PDCD1: variants seen among roughly 807,000 people sequenced by gnomAD.
PDCD1 encodes programmed cell death protein 1.
Under a neutral mutation model 23.6 loss-of-function variants are expected in PDCD1, and 10 were observed. The ratio of observed to expected loss-of-function variants is 0.42; its 90% CI spans 0.26 to 0.72. PDCD1 has a LOEUF of 0.72. PDCD1 is among the 30% of genes least tolerant of loss of function. The pLI is 0.24. For missense variants in PDCD1, 313 were observed against 397.8 expected, an observed-to-expected ratio of 0.79 and a Z score of 1.81; for synonymous variants, 168 against 169.3, an observed-to-expected ratio of 0.99 and a Z score of 0.06.
intron 1 of PDCD1, among the ~76,000 whole-genome samples, chr2:241,855,385 C>T (rs1385762224): frequency 6.6e-6 from 1 of 152,180 alleles, no homozygotes; most frequent in African/African-American, 2.4e-5. Flanking sequence ...TCCTGGCCTC[C>T]CTTGGCTGGT....
rs777782930 is a variant in PDCD1, at chr2:241,852,756, G to A, written c.301C>T (p.Pro101Ser). The change falls in exon 2 of 5, where the codon CCC (proline) becomes TCC (serine). Residue 101 changes from proline to serine, a missense_variant. Coordinates refer to ENST00000334409, the MANE Select transcript of PDCD1 (RefSeq NM_005018.3). Reference sequence around the variant, plus strand: ...CTCATGTGGAAGTCACGCCCGTTGGGCAGTTGTGTGACACGGAAGCGGCAG... The same window carrying A: ...CTCATGTGGAAGTCACGCCCGTTGGACAGTTGTGTGACACGGAAGCGGCAG... ...QDCRFRVTQL[P>S]NGRDFHMSVV... 3.7e-6 allele frequency: 6 copies of A among 1,614,054 alleles called. No individual in the cohort carries two copies. In the East Asian group the frequency reaches 1.3e-4, roughly 36 times the overall value.
chr2:241,858,716 C>A, intron 1 of PDCD1, 47 bp downstream of exon 1: 1 of 1,480,560 alleles, frequency 6.8e-7, no homozygotes. Flanking sequence ...GTGGAAGGTC[C>A]CTCCAGACCC....
chr2:241,858,740 A>G, intron 1 of PDCD1, 23 bp downstream of exon 1: 4 of 1,565,186 alleles, frequency 2.6e-6, no homozygotes, highest in Non-Finnish European at 3.5e-6. Flanking sequence ...GCTCTGGGAC[A>G]CCTGACCGCC....
At chr2:241,856,242 C>A (rs570625751) in intron 1 of PDCD1, among the ~76,000 whole-genome samples, 2 of 152,168 alleles carry the variant, frequency 1.3e-5, no homozygotes, top group South Asian at 2.1e-4. Context: ...TAAGCCACAG[C>A]CGGGAGAGGC....
chr2:241,854,450 C>T (rs945368132), intron 1 of PDCD1, among the ~76,000 whole-genome samples: 32 of 152,298 alleles, frequency 2.1e-4, no homozygotes, highest in African/African-American at 7.2e-4. Flanking sequence ...CTTCCAGCCA[C>T]TCCAGAGTGG....
chr2:241,857,618 C>G (rs1343895061), intron 1 of PDCD1, among the ~76,000 whole-genome samples: 2 of 152,220 alleles, frequency 1.3e-5, no homozygotes, highest in Admixed American at 6.5e-5. Flanking sequence ...TCCTGAGTGA[C>G]CCACGGGCCA....
chr2:241,858,698 G>A, intron 1 of PDCD1, 65 bp downstream of exon 1: 2 of 1,392,234 alleles, frequency 1.4e-6, no homozygotes, highest in Non-Finnish European at 2.0e-6. Context: ...ACCTGCCAGG[G>A]ACTGAGGGTG....
chr2:241,852,878 G>A lies in PDCD1; in HGVS notation c.179C>T (p.Ser60Leu), dbSNP rs779874434. Residue 60 changes from serine to leucine, a missense_variant, in exon 2 of 5, where the codon TCG (serine) becomes TTG (leucine). Physicochemically the swap from Ser to Leu is moderately radical, Grantham distance 145. Transcript: ENST00000334409. Reference sequence around the variant, plus strand: ...GTACCAGTTTAGCACGAAGCTCTCCGATGTGTTGGAGAAGCTGCAGGTGAA... The same window carrying A: ...GTACCAGTTTAGCACGAAGCTCTCCAATGTGTTGGAGAAGCTGCAGGTGAA... The part of the protein sequence containing the change: ...ATFTCSFSNT[S>L]ESFVLNWYRM... 1 of 1,602,806 alleles carries A rather than the reference G, an allele frequency of 6.2e-7. No individual in the cohort carries two copies. Among genetic ancestry groups the A allele is most frequent in the Non-Finnish European group, 8.5e-7 (1 of 1,179,806 alleles).
chr2:241,853,849 G>A lies in PDCD1; in HGVS notation c.77-869C>T, dbSNP rs527900209. On this transcript the variant is annotated intron_variant, in intron 1 of 4. Coordinates refer to ENST00000334409, the MANE Select transcript of PDCD1 (RefSeq NM_005018.3). The stretch of plus-strand genomic sequence containing the variant: ...TGCCACAGGGTTCCCCAAACATGGC[G>A]CCAGCCCCACACTGTCAGACCCAGT... Among the ~76,000 whole-genome samples, 227 of 152,330 alleles carry A rather than the reference G, an allele frequency of 1.5e-3. 2 individuals carry two copies. The highest frequency in any genetic ancestry group is 5.1e-3 in the African/African-American group (214 of 41,574).
At chr2:241,858,524 G>A (rs937225562) in intron 1 of PDCD1, among the ~76,000 whole-genome samples, 4 of 152,232 alleles carry the variant, frequency 2.6e-5, no homozygotes, top group Non-Finnish European at 5.9e-5. Context: ...AGTTCGAGCT[G>A]CCCAAAGCCA....
Position 241,850,859 on chromosome 2 carries a change from C to T in PDCD1, c.*199G>A, listed in dbSNP as rs6749527. The T allele has an allele frequency of 3.9e-3, 2,553 of 660,132 alleles. 51 individuals are homozygous for T. The African/African-American group carries it at 0.04, about 10-fold the overall frequency. 40.9% of individuals were successfully genotyped at this position (660,132 alleles called of 1,614,324 possible). On this transcript the variant is annotated 3_prime_UTR_variant, in exon 5 of 5. Coordinates refer to ENST00000334409, the MANE Select transcript of PDCD1 (RefSeq NM_005018.3). ...GACGGTGACACCTGCTGCCTGGGCT[C>T]ACTGTGGGCATTGAGACATGAGTCC...
At chr2:241,857,411 G>A (rs868191272) in intron 1 of PDCD1, among the ~76,000 whole-genome samples, 3 of 152,280 alleles carry the variant, frequency 2.0e-5, no homozygotes, top group African/African-American at 4.8e-5. Flanking sequence ...CGCCTGGGTC[G>A]GGGAGGGTGG....
chr2:241,856,662 A>G (rs1701034346), intron 1 of PDCD1, among the ~76,000 whole-genome samples: 1 of 152,086 alleles, frequency 6.6e-6, no homozygotes. Flanking sequence ...GTCTCTAAAA[A>G]AAATGGAAGA....
At chr2:241,851,681 G>A (rs899863474) in intron 4 of PDCD1, among the ~76,000 whole-genome samples, 12 of 151,336 alleles carry the variant, frequency 7.9e-5, no homozygotes, top group African/African-American at 2.4e-4. Flanking sequence ...CCCAGAGACC[G>A]CAGGCGGGCA....
At chr2:241,852,444 T>C in intron 2 of PDCD1, 91 bp from the exon 3 acceptor site, 1 of 1,141,360 alleles carries the variant, frequency 8.8e-7, no homozygotes, top group Non-Finnish European at 1.2e-6. Context: ...CTGGGGTGCT[T>C]CCAGAGCTAG....
Position 241,852,337 on chromosome 2 carries a change from C to T in PDCD1, c.453G>A (p.Val151=). ...GTGAGGGGCTGGGGTGGGCTGTGGGCACTTCTGCCCTTCTCTCTGGAAGGG... is the reference window on the plus strand; with the variant it reads ...GTGAGGGGCTGGGGTGGGCTGTGGGTACTTCTGCCCTTCTCTCTGGAAGGG... ...ELRVTERRAE[V]PTAHPSPSPR... Residue 151 remains valine (V), a synonymous_variant, in exon 3 of 5, where the codon GTG becomes GTA. Coordinates refer to ENST00000334409, the MANE Select transcript of PDCD1 (RefSeq NM_005018.3). The T allele has an allele frequency of 6.3e-7, 1 of 1,592,992 alleles. No homozygotes were observed. Among genetic ancestry groups the T allele is most frequent in the Non-Finnish European group, 8.6e-7 (1 of 1,164,876 alleles).
intron 2 of PDCD1, 77 bp from the exon 3 acceptor site, chr2:241,852,430 G>A: frequency 8.6e-7 from 1 of 1,157,058 alleles, no homozygotes; most frequent in Admixed American, 2.4e-5. Flanking sequence ...GCAGACTAGA[G>A]GGGCTGGGGT....
intron 4 of PDCD1, 94 bp from the exon 5 acceptor site, chr2:241,851,391 C>T: frequency 3.0e-6 from 4 of 1,332,692 alleles, no homozygotes; most frequent in Non-Finnish European, 4.1e-6. Flanking sequence ...CGGCACCGAA[C>T]CTGGGCCCCC....
chr2:241,852,004 G>C, intron 3 of PDCD1, 21 bp from the exon 4 acceptor site: 1 of 1,612,048 alleles, frequency 6.2e-7, no homozygotes, highest in Non-Finnish European at 8.5e-7. Flanking sequence ...ACACACTTGG[G>C]GTCACCAGGC....
Sources: allele counts gnomAD v4.1 joint callset (sites outside exome capture counted in the v4.1 genomes callset), GRCh38; gene constraint gnomAD v4.1.1; transcripts MANE v1.5; gene names NCBI Gene and HGNC (gene_info 2026-07-23, HGNC 2026-07-21).